The following ACVR1 variants were observed in gnomAD, a reference collection of about 807,000 sequenced individuals.
The protein encoded by ACVR1 is activin A receptor type 1.
In ACVR1, 38 loss-of-function variants were observed where a neutral mutation model predicts 57.1. The observed-to-expected ratio is 0.67, with a 90% CI of 0.51 to 0.87. ACVR1 has a LOEUF of 0.87. Ranked by LOEUF, ACVR1 falls within the 40% of genes least tolerant of loss-of-function variation. ACVR1 has a pLI of 0.00. For synonymous variants in ACVR1, 212 were observed against 228.1 expected, an observed-to-expected ratio of 0.93 and a Z score of 0.63; for missense variants, 463 against 638.2, an observed-to-expected ratio of 0.73 and a Z score of 2.96.
intron 1 of ACVR1, among the ~76,000 whole-genome samples, chr2:157,827,316 G>C (rs1300860519): frequency 6.6e-6 from 1 of 152,078 alleles, no homozygotes; most frequent in Non-Finnish European, 1.5e-5. Context: ...ACTGTGCAGA[G>C]AGAACAAGGT....
intron 4 of ACVR1, among the ~76,000 whole-genome samples, chr2:157,780,057 C>A (rs1686444110): frequency 6.6e-6 from 1 of 152,222 alleles, no homozygotes; most frequent in Non-Finnish European, 1.5e-5. Flanking sequence ...GAGCTGTTCA[C>A]CTGAGTCACA....
rs186107625 is a variant in ACVR1 at position 157,876,051 on chromosome 2, G to A, written c.-438C>T. On this transcript the variant is annotated 5_prime_UTR_variant, in exon 1 of 11. Coordinates refer to ENST00000434821, the MANE Select transcript of ACVR1 (RefSeq NM_001111067.4). Reference sequence around the variant, plus strand: ...CCTGGGGCCGGCGCGGCTGGCCGAGGAGCAGGCTGGCAGCGGCAGCGGCGG... The same window carrying A: ...CCTGGGGCCGGCGCGGCTGGCCGAGAAGCAGGCTGGCAGCGGCAGCGGCGG... Among the ~76,000 whole-genome samples, 14 of 148,986 alleles carry A rather than the reference G, an allele frequency of 9.4e-5. No individual in the cohort carries two copies. The highest frequency in any genetic ancestry group is 3.2e-4 in the African/African-American group (13 of 40,772).
chr2:157,823,080 C>A (rs1688215092), intron 1 of ACVR1, among the ~76,000 whole-genome samples: 1 of 152,186 alleles, frequency 6.6e-6, no homozygotes, highest in African/African-American at 2.4e-5. Flanking sequence ...CACAAAGACA[C>A]ATTTCTAACA....
At chr2:157,793,904 T>C (rs1687013664) in intron 3 of ACVR1, among the ~76,000 whole-genome samples, 1 of 152,212 alleles carries the variant, frequency 6.6e-6, no homozygotes, top group Non-Finnish European at 1.5e-5. Flanking sequence ...TGAGTAGTGA[T>C]GGCTTTGTAA....
intron 2 of ACVR1, among the ~76,000 whole-genome samples, chr2:157,812,777 A>G (rs1687796659): frequency 6.6e-6 from 1 of 152,202 alleles, no homozygotes; most frequent in Non-Finnish European, 1.5e-5. Context: ...ACAAGTTCCA[A>G]GTTTATTTTT....
chr2:157,868,267 G>A (rs1267432645), intron 1 of ACVR1, among the ~76,000 whole-genome samples: 2 of 151,804 alleles, frequency 1.3e-5, no homozygotes, highest in African/African-American at 2.4e-5. Flanking sequence ...GGTGAATCAC[G>A]AGGTCAGGAC....
chr2:157,797,228 T>C (rs948929382), intron 3 of ACVR1, among the ~76,000 whole-genome samples: 1 of 152,170 alleles, frequency 6.6e-6, no homozygotes, highest in Non-Finnish European at 1.5e-5. Context: ...GAGAAGGAGA[T>C]AGGAACAGAT....
intron 5 of ACVR1, among the ~76,000 whole-genome samples, chr2:157,775,670 C>G (rs1365814702): frequency 3.3e-5 from 5 of 151,716 alleles, no homozygotes; most frequent in Non-Finnish European, 7.4e-5. Context: ...TTCATATCTC[C>G]CTAACCATTT....
intron 4 of ACVR1, among the ~76,000 whole-genome samples, chr2:157,778,572 C>T (rs1243757892): frequency 1.3e-5 from 2 of 152,184 alleles, no homozygotes; most frequent in Non-Finnish European, 1.5e-5. Flanking sequence ...GAATCAATTG[C>T]ATTAATGTAT....
intron 7 of ACVR1, among the ~76,000 whole-genome samples, chr2:157,768,645 T>C (rs2105264173): frequency 6.6e-6 from 1 of 152,370 alleles, no homozygotes; most frequent in African/African-American, 2.4e-5. Context: ...TGTTTATCTC[T>C]TAAGCGTGAA....
intron 1 of ACVR1, among the ~76,000 whole-genome samples, chr2:157,866,537 G>C (rs1394185074): frequency 6.6e-6 from 1 of 152,136 alleles, no homozygotes; most frequent in Non-Finnish European, 1.5e-5. Flanking sequence ...ATTTTCCTCT[G>C]GCATTTTTTT....
chr2:157,793,570 T>C (rs985526504), intron 3 of ACVR1, among the ~76,000 whole-genome samples: 1 of 152,194 alleles, frequency 6.6e-6, no homozygotes, highest in Non-Finnish European at 1.5e-5. Flanking sequence ...TAGGTCCCAG[T>C]AGTAGCAAAT....
intron 5 of ACVR1, among the ~76,000 whole-genome samples, chr2:157,775,903 A>C (rs1353499259): frequency 6.6e-6 from 1 of 152,144 alleles, no homozygotes; most frequent in Non-Finnish European, 1.5e-5. Context: ...TCTTTTCTTT[A>C]GTTCAAGACA....
At chr2:157,759,057 T>C (rs983629044) in intron 9 of ACVR1, among the ~76,000 whole-genome samples, 1 of 151,506 alleles carries the variant, frequency 6.6e-6, no homozygotes, top group Non-Finnish European at 1.5e-5. Flanking sequence ...AGATTCCAAA[T>C]AAAGAATCTA....
At chr2:157,777,561 C>T (rs746368223) in intron 5 of ACVR1, among the ~76,000 whole-genome samples, 5 of 152,100 alleles carry the variant, frequency 3.3e-5, no homozygotes, top group Non-Finnish European at 7.4e-5. Context: ...AAGGTGGCTA[C>T]TTGAAAATTT....
chr2:157,736,893 C>G lies in ACVR1; in HGVS notation c.*638G>C, dbSNP rs1432274859. ...AAGTGCACAAGTAATAAATAATTTG[C>G]AAAGTTGTGTATAAACAATTCCTAA... On this transcript the variant is annotated 3_prime_UTR_variant, in exon 11 of 11. Transcript: ENST00000434821. The G allele has an allele frequency of 3.1e-6, 1 of 319,110 alleles. No homozygotes were observed. Among genetic ancestry groups the G allele is most frequent in the Non-Finnish European group, 5.8e-6 (1 of 173,476 alleles). The allele number at this position is 319,110 out of a possible 1,614,324, so 19.8% of individuals were successfully genotyped here. A position where few individuals can be genotyped will look rare whatever the true frequency, so the allele number is the denominator to read the frequency against.
intron 1 of ACVR1, among the ~76,000 whole-genome samples, chr2:157,846,984 G>A (rs1689144950): frequency 6.6e-6 from 1 of 152,158 alleles, no homozygotes. Flanking sequence ...AAAGGAACAT[G>A]TGTGCATGGT....
At chr2:157,814,507 C>T (rs1687863136) in intron 2 of ACVR1, among the ~76,000 whole-genome samples, 1 of 152,262 alleles carries the variant, frequency 6.6e-6, no homozygotes, top group South Asian at 2.1e-4. Flanking sequence ...CATGAGAAAA[C>T]TGTTCTCACC....
chr2:157,738,690 T>G, intron 9 of ACVR1, 120 bp from the exon 10 acceptor site: 1 of 1,473,684 alleles, frequency 6.8e-7, no homozygotes, highest in Non-Finnish European at 9.4e-7. Context: ...ACCTTCCTCA[T>G]ACCTCAGGGC....
Sources: gnomAD v4.1 joint callset for allele counts (sites outside exome capture counted in the v4.1 genomes callset) on GRCh38, gnomAD v4.1.1 for gene constraint, MANE v1.5 for transcripts, NCBI Gene and HGNC (gene_info 2026-07-23, HGNC 2026-07-21) for gene names.